Variants in FRMD6 observed in about 807,000 individuals in gnomAD.
The protein encoded by FRMD6 is FERM domain containing 6, also known as FERM domain-containing protein 6.
FRMD6 carries 37 observed loss-of-function variants against 73.2 expected under a neutral mutation model. The ratio of observed to expected loss-of-function variants is 0.51; its 90% CI spans 0.39 to 0.66. The LOEUF (loss-of-function observed/expected upper bound fraction) is 0.66. Ranked by LOEUF, FRMD6 falls within the 30% of genes least tolerant of loss-of-function variation. The pLI is 0.00. For synonymous variants in FRMD6, 273 were observed against 282.2 expected, an observed-to-expected ratio of 0.97 and a Z score of 0.33; for missense variants, 714 against 780.5, an observed-to-expected ratio of 0.91 and a Z score of 1.02.
chr14:51,407,288 T>C, the FRMD6 span, among the ~76,000 whole-genome samples: 1 of 152,112 alleles, frequency 6.6e-6, no homozygotes, highest in Non-Finnish European at 1.5e-5. Context: ...TCTTTTTTCA[T>C]ATTGTCCTTG....
At chr14:51,525,290 C>T (rs962156285) in intron 1 of FRMD6, among the ~76,000 whole-genome samples, 19 of 151,568 alleles carry the variant, frequency 1.3e-4, no homozygotes, top group African/African-American at 3.9e-4. Context: ...TTTTTTGAGT[C>T]GGAGTTTTGC....
chr14:51,550,891 C>A (rs1886784561), intron 1 of FRMD6, among the ~76,000 whole-genome samples: 1 of 152,162 alleles, frequency 6.6e-6, no homozygotes. Context: ...TCACATAAAA[C>A]GTGCATAATG....
intron 1 of FRMD6, among the ~76,000 whole-genome samples, chr14:51,668,264 A>C (rs1215349571): frequency 6.6e-6 from 1 of 152,160 alleles, no homozygotes; most frequent in Non-Finnish European, 1.5e-5. Context: ...CATATTATAC[A>C]TTTAAGGGTA....
At chr14:51,497,447 T>A (rs1043333728) in intron 1 of FRMD6, among the ~76,000 whole-genome samples, 7 of 152,146 alleles carry the variant, frequency 4.6e-5, no homozygotes, top group Non-Finnish European at 7.4e-5. Flanking sequence ...AGACAAAATC[T>A]ATACCCATAA....
At chr14:51,537,894 T>C (rs1474689981) in intron 1 of FRMD6, among the ~76,000 whole-genome samples, 1 of 152,218 alleles carries the variant, frequency 6.6e-6, no homozygotes, top group Admixed American at 6.5e-5. Flanking sequence ...CCTTATGTAT[T>C]TTGAATAACA....
intron 1 of FRMD6, among the ~76,000 whole-genome samples, chr14:51,552,752 AC>A (rs1886911507): frequency 6.6e-6 from 1 of 152,194 alleles, no homozygotes; most frequent in Admixed American, 6.5e-5. Flanking sequence ...AACAAAATCC[AC>A]CTGAGAACAA....
At chr14:51,423,731 G>C in the FRMD6 span, among the ~76,000 whole-genome samples, 1 of 152,044 alleles carries the variant, frequency 6.6e-6, no homozygotes, top group Admixed American at 6.6e-5. Context: ...TATTTCTTTT[G>C]TATCAGCAGA....
At chr14:51,445,609 A>G in the FRMD6 span, among the ~76,000 whole-genome samples, 2 of 152,298 alleles carry the variant, frequency 1.3e-5, no homozygotes, top group East Asian at 3.9e-4. Flanking sequence ...GACATGCTTA[A>G]AGATTTGATA....
At chr14:51,645,008 C>G (rs998184925) in intron 2 of FRMD6, among the ~76,000 whole-genome samples, 1 of 152,206 alleles carries the variant, frequency 6.6e-6, no homozygotes. Context: ...ATTTCTAATT[C>G]AATCTCCATG....
chr14:51,448,464 A>G, the FRMD6 span, among the ~76,000 whole-genome samples: 2 of 152,240 alleles, frequency 1.3e-5, no homozygotes, highest in African/African-American at 4.8e-5. Context: ...TGACTAGTAC[A>G]CAGCCGGTGA....
intron 6 of FRMD6, among the ~76,000 whole-genome samples, chr14:51,705,188 C>T (rs1459652234): frequency 1.3e-5 from 2 of 152,194 alleles, no homozygotes; most frequent in Admixed American, 6.5e-5. Context: ...TACCAGCCTC[C>T]TTTCAGCATT....
intron 1 of FRMD6, among the ~76,000 whole-genome samples, chr14:51,536,696 C>T (rs1001142600): frequency 2.6e-5 from 4 of 152,262 alleles, no homozygotes; most frequent in South Asian, 2.1e-4. Context: ...GGATTACAGG[C>T]GTGAGCCACC....
chr14:51,697,984 C>A, intron 2 of FRMD6, 158 bp from the exon 3 acceptor site: 1 of 541,096 alleles, frequency 1.8e-6, no homozygotes, highest in Non-Finnish European at 3.4e-6. Context: ...TGAAACACAA[C>A]CCCAGGTTAA....
rs756370921 is a variant in FRMD6 at position 51,702,607 on chromosome 14, A to C, written c.371+19A>C. On this transcript the variant is annotated intron_variant, in intron 5 of 13. Coordinates refer to ENST00000344768, the MANE Select transcript of FRMD6 (RefSeq NM_001267046.2). ...TGATCAGGTAAGAGGACAGGGGGTG[A>C]TTCTAAACGCTTTTTTTTCCCCCAT... 1 of 1,593,952 alleles carries C rather than the reference A, an allele frequency of 6.3e-7. No homozygotes were observed. Among genetic ancestry groups the C allele is most frequent in the Admixed American group, 1.7e-5 (1 of 58,026 alleles).
At chr14:51,570,777 A>T (rs1051548472) in intron 2 of FRMD6, among the ~76,000 whole-genome samples, 13 of 152,234 alleles carry the variant, frequency 8.5e-5, no homozygotes, top group African/African-American at 3.1e-4. Context: ...GATTGCATTT[A>T]ATGGACTTAA....
chr14:51,636,103 T>C (rs912831974), intron 2 of FRMD6, among the ~76,000 whole-genome samples: 2 of 152,136 alleles, frequency 1.3e-5, no homozygotes, highest in African/African-American at 2.4e-5. Flanking sequence ...GGAGCAGAAG[T>C]TGCGTCTGTG....
At chr14:51,540,295 G>T (rs74052356) in intron 1 of FRMD6, among the ~76,000 whole-genome samples, 1,597 of 152,166 alleles carry the variant, frequency 0.01, 29 homozygotes, top group African/African-American at 0.037. Flanking sequence ...TTGTCAGGCC[G>T]GACAGAAGGA....
At chr14:51,680,105 G>A (rs1384093341) in intron 1 of FRMD6, among the ~76,000 whole-genome samples, 2 of 152,178 alleles carry the variant, frequency 1.3e-5, no homozygotes, top group Non-Finnish European at 2.9e-5. Context: ...CCATCCAAGT[G>A]AATCTTGTTG....
At chr14:51,446,926 C>T in the FRMD6 span, among the ~76,000 whole-genome samples, 1 of 152,104 alleles carries the variant, frequency 6.6e-6, no homozygotes, top group Non-Finnish European at 1.5e-5. Context: ...GCCTCTAGGT[C>T]CTGGGAGAGC....
Sources: allele counts gnomAD v4.1 joint callset (sites outside exome capture counted in the v4.1 genomes callset), GRCh38; gene constraint gnomAD v4.1.1; transcripts MANE v1.5; gene names NCBI Gene and HGNC (gene_info 2026-07-23, HGNC 2026-07-21).